Variants in SGCZ observed in about 807,000 individuals in gnomAD.
SGCZ encodes zeta-sarcoglycan.
In SGCZ, 40 loss-of-function variants were observed where a neutral mutation model predicts 41.3. The observed-to-expected ratio is 0.97, with a 90% CI of 0.75 to 1.26. The LOEUF (loss-of-function observed/expected upper bound fraction) is 1.26. Ranked by LOEUF, SGCZ falls within the 50% of genes most tolerant of loss-of-function variation. The pLI, the probability that SGCZ is intolerant of heterozygous loss-of-function variation, is 0.00. For missense variants in SGCZ, 552 were observed against 369.8 expected, an observed-to-expected ratio of 1.49 and a Z score of -4.04; for synonymous variants, 206 against 137.5, an observed-to-expected ratio of 1.50 and a Z score of -3.49.
intron 1 of SGCZ, among the ~76,000 whole-genome samples, chr8:14,741,299 C>G (rs1434353848): frequency 9.9e-5 from 15 of 152,030 alleles, no homozygotes; most frequent in Admixed American, 9.9e-4. Context: ...TTAAGCCCAT[C>G]TTTTAGACCA....
intron 2 of SGCZ, among the ~76,000 whole-genome samples, chr8:14,415,853 C>G (rs1156734917): frequency 1.3e-5 from 2 of 151,890 alleles, no homozygotes; most frequent in Admixed American, 6.6e-5. Context: ...ATAACTTGGC[C>G]AGTGTGGCTA....
At chr8:14,784,915 T>A (rs56740437) in intron 1 of SGCZ, among the ~76,000 whole-genome samples, 30,008 of 61,844 alleles carry the variant, frequency 0.49, 5,962 homozygotes, top group East Asian at 0.56. Flanking sequence ...AAAAAAAAAA[T>A]ATATATATAT....
chr8:14,741,563 C>A (rs1466639612), intron 1 of SGCZ, among the ~76,000 whole-genome samples: 1 of 152,024 alleles, frequency 6.6e-6, no homozygotes, highest in Non-Finnish European at 1.5e-5. Flanking sequence ...AAAACATTAA[C>A]AAGCTGTTAT....
intron 1 of SGCZ, among the ~76,000 whole-genome samples, chr8:14,585,738 A>G (rs1293402156): frequency 6.6e-6 from 1 of 152,174 alleles, no homozygotes; most frequent in African/African-American, 2.4e-5. Flanking sequence ...TACATTTAAT[A>G]CTCAACGATT....
chr8:14,400,919 G>T (rs370521477), intron 2 of SGCZ, among the ~76,000 whole-genome samples: 18 of 152,242 alleles, frequency 1.2e-4, no homozygotes, highest in South Asian at 1.0e-3. Flanking sequence ...TGTTGTGGTT[G>T]TGTTTCTGTC....
chr8:14,574,970 C>T (rs572562889), intron 1 of SGCZ, among the ~76,000 whole-genome samples: 7 of 152,100 alleles, frequency 4.6e-5, no homozygotes, highest in South Asian at 4.1e-4. Flanking sequence ...ATAAAAATAA[C>T]GGTTTTCATT....
intron 1 of SGCZ, among the ~76,000 whole-genome samples, chr8:14,654,577 G>T (rs1326933548): frequency 1.3e-5 from 2 of 151,774 alleles, no homozygotes; most frequent in African/African-American, 4.8e-5. Flanking sequence ...TTCTTTTGTT[G>T]TTGTTTTGTT....
chr8:14,590,290 C>T (rs1387390378), intron 1 of SGCZ, among the ~76,000 whole-genome samples: 1 of 151,734 alleles, frequency 6.6e-6, no homozygotes, highest in Admixed American at 6.6e-5. Flanking sequence ...AGCACATAAA[C>T]AGGAGTTAAA....
intron 3 of SGCZ, among the ~76,000 whole-genome samples, chr8:14,274,019 G>C (rs1443616187): frequency 1.3e-5 from 2 of 152,046 alleles, no homozygotes; most frequent in Non-Finnish European, 1.5e-5. Flanking sequence ...GTTAGAAATA[G>C]GCTTCAGTGT....
At chr8:14,694,890 A>T (rs1416037490) in intron 1 of SGCZ, among the ~76,000 whole-genome samples, 1 of 152,192 alleles carries the variant, frequency 6.6e-6, no homozygotes, top group Non-Finnish European at 1.5e-5. Context: ...ATCCCAAATG[A>T]TTCAAAAGCA....
At chr8:14,874,272 G>A (rs534116317) in intron 1 of SGCZ, among the ~76,000 whole-genome samples, 32 of 152,184 alleles carry the variant, frequency 2.1e-4, no homozygotes, top group African/African-American at 7.5e-4. Flanking sequence ...TGACTGATCT[G>A]CTGTACTGTT....
intron 1 of SGCZ, among the ~76,000 whole-genome samples, chr8:15,124,799 C>G (rs1171327956): frequency 6.6e-6 from 1 of 152,044 alleles, no homozygotes; most frequent in Non-Finnish European, 1.5e-5. Flanking sequence ...GCAAATTCAT[C>G]CAATACCTAG....
intron 1 of SGCZ, among the ~76,000 whole-genome samples, chr8:15,173,925 A>G (rs1179534725): frequency 6.6e-6 from 1 of 152,090 alleles, no homozygotes; most frequent in African/African-American, 2.4e-5. Context: ...GCAAAGTCTC[A>G]CTACATTACT....
At chr8:14,153,365 T>G (rs1038902242) in intron 5 of SGCZ, among the ~76,000 whole-genome samples, 1 of 152,178 alleles carries the variant, frequency 6.6e-6, no homozygotes, top group African/African-American at 2.4e-5. Flanking sequence ...AGTTTTGACT[T>G]TGTCAAAGAG....
intron 2 of SGCZ, among the ~76,000 whole-genome samples, chr8:14,545,237 C>T (rs777987279): frequency 7.9e-5 from 12 of 152,148 alleles, no homozygotes; most frequent in African/African-American, 1.9e-4. Context: ...CTTATTAGGT[C>T]TGAGGATGAG....
At chr8:14,111,663 A>C (rs1333255249) in intron 5 of SGCZ, among the ~76,000 whole-genome samples, 3 of 152,180 alleles carry the variant, frequency 2.0e-5, no homozygotes, top group African/African-American at 7.2e-5. Context: ...CATAGGGAAA[A>C]CCTATACTGT....
At chr8:14,421,046 G>A (rs1799623628) in intron 2 of SGCZ, among the ~76,000 whole-genome samples, 1 of 152,008 alleles carries the variant, frequency 6.6e-6, no homozygotes, top group African/African-American at 2.4e-5. Context: ...ATAATGAGAT[G>A]ATTTTATTCT....
intron 2 of SGCZ, among the ~76,000 whole-genome samples, chr8:14,394,140 C>CCCG (rs112444671): frequency 7.0e-6 from 1 of 143,638 alleles, no homozygotes; most frequent in African/African-American, 2.8e-5. Context: ...TACCGCCCCC[C>CCCG]ACCTTTTTTT....
At chr8:14,945,485 G>A (rs1226592236) in intron 1 of SGCZ, among the ~76,000 whole-genome samples, 1 of 152,028 alleles carries the variant, frequency 6.6e-6, no homozygotes, top group Non-Finnish European at 1.5e-5. Flanking sequence ...TTTAATGATT[G>A]GCAAGAAAGA....
Sources: gnomAD v4.1 joint callset for allele counts (sites outside exome capture counted in the v4.1 genomes callset) on GRCh38, gnomAD v4.1.1 for gene constraint, MANE v1.5 for transcripts, NCBI Gene and HGNC (gene_info 2026-07-23, HGNC 2026-07-21) for gene names.